The following DNAH5 variants were observed in gnomAD, a reference collection of about 807,000 sequenced individuals.
The protein encoded by DNAH5 is dynein axonemal heavy chain 5, also known as axonemal beta dynein heavy chain 5.
DNAH5 carries 372 observed loss-of-function variants against 518.2 expected under a neutral mutation model. The observed-to-expected ratio is 0.72, with a 90% CI of 0.66 to 0.78. The LOEUF is 0.78. Among genes scored for constraint, DNAH5 ranks in the 30% least tolerant of loss-of-function variants. The pLI, the probability that DNAH5 is intolerant of heterozygous loss-of-function variation, is 0.00. For synonymous variants in DNAH5, 2,039 were observed against 2,025.9 expected, an observed-to-expected ratio of 1.01 and a Z score of -0.17; for missense variants, 5,523 against 5,687.0, an observed-to-expected ratio of 0.97 and a Z score of 0.93.
intron 1 of DNAH5, among the ~76,000 whole-genome samples, chr5:13,959,827 C>T (rs974032118): frequency 7.2e-5 from 11 of 152,178 alleles, no homozygotes; most frequent in Middle Eastern, 3.4e-3. Flanking sequence ...ATTAGCCAGG[C>T]GTGGTGACAC....
At chr5:13,843,703 G>A (rs1390400269) in intron 32 of DNAH5, among the ~76,000 whole-genome samples, 2 of 152,132 alleles carry the variant, frequency 1.3e-5, no homozygotes, top group Non-Finnish European at 2.9e-5. Flanking sequence ...CCTTGCACAT[G>A]CTCTTCTTCT....
intron 59 of DNAH5, among the ~76,000 whole-genome samples, chr5:13,763,930 C>T (rs1752132162): frequency 6.6e-6 from 1 of 152,304 alleles, no homozygotes; most frequent in African/African-American, 2.4e-5. Flanking sequence ...GGCAGAGTCT[C>T]ATATTATAAT....
Position 13,934,500 on chromosome 5 carries a change from C to T in DNAH5, c.58-3256G>A, listed in dbSNP as rs1416246295. Among the ~76,000 whole-genome samples, 6 of 152,084 alleles carry T rather than the reference C, an allele frequency of 3.9e-5. No homozygotes were observed. In the East Asian group the frequency reaches 5.8e-4, roughly 15 times the overall value. ...TTGGTTGGACAGAAATAAATATAGA[C>T]TTGAGAAAAGGATGATTGGGAAAAG... On this transcript the variant is annotated intron_variant, in intron 1 of 78. Transcript: ENST00000265104.
Position 13,920,579 on chromosome 5 carries a change from G to A in DNAH5, c.699C>T (p.Thr233=). 1 of 1,614,032 alleles carries A rather than the reference G, an allele frequency of 6.2e-7. No individual in the cohort carries two copies. The highest frequency in any genetic ancestry group is 1.1e-5 in the South Asian group (1 of 91,070). ...LRKCDILELK[T]LKEPTDYLTL... ...TCAAGTAGTCCGTAGGTTCCTTTAG[G>A]GTTTTCAGTTCAAGTATGTCACACT... Residue 233 remains threonine (T), a synonymous_variant, in exon 6 of 79, where the codon ACC becomes ACT. Transcript: ENST00000265104.
At chr5:13,723,420 G>T (rs1390974575) in intron 70 of DNAH5, among the ~76,000 whole-genome samples, 1 of 152,178 alleles carries the variant, frequency 6.6e-6, no homozygotes, top group Non-Finnish European at 1.5e-5. Flanking sequence ...AACTCATCAA[G>T]ATTCAAGTAC....
chr5:13,930,628 C>G (rs1778324600), intron 2 of DNAH5, among the ~76,000 whole-genome samples: 2 of 152,194 alleles, frequency 1.3e-5, no homozygotes, highest in South Asian at 4.2e-4. Flanking sequence ...AAATCACACC[C>G]CCAGTTTTAA....
Position 13,830,723 on chromosome 5 carries a change from C to G in DNAH5, c.5935G>C (p.Ala1979Pro). ...GTTTTGCCTGTGCCTGCAGGTCCAG[C>G]AGGGGCTCCCCCCATGCTCATTCCC... ...ALGMSMGGAP[A>P]GPAGTGKTET... Residue 1979 changes from alanine (A) to proline (P), a missense_variant, in exon 36 of 79, where the codon GCT (alanine) becomes CCT (proline). Physicochemically the swap from Ala to Pro is conservative, Grantham distance 27. Transcript: ENST00000265104. 1 of 1,614,200 alleles carries G rather than the reference C, an allele frequency of 6.2e-7. No homozygotes were observed. Among genetic ancestry groups the G allele is most frequent in the Non-Finnish European group, 8.5e-7 (1 of 1,180,034 alleles).
chr5:13,829,357 A>G (rs533129883), intron 38 of DNAH5, among the ~76,000 whole-genome samples, 153 bp downstream of exon 38: 1 of 152,310 alleles, frequency 6.6e-6, no homozygotes, highest in East Asian at 1.9e-4. Flanking sequence ...AACTATGCAT[A>G]TAAAATTATT....
At chr5:13,928,941 T>C (rs1778149386) in intron 2 of DNAH5, among the ~76,000 whole-genome samples, 2 of 152,152 alleles carry the variant, frequency 1.3e-5, no homozygotes, top group African/African-American at 4.8e-5. Flanking sequence ...TGAAGGCTCC[T>C]TAAAAAACTA....
At chr5:13,961,225 T>C (rs974074047) in intron 1 of DNAH5, among the ~76,000 whole-genome samples, 6 of 152,242 alleles carry the variant, frequency 3.9e-5, no homozygotes, top group African/African-American at 1.4e-4. Flanking sequence ...AGAGTATTAC[T>C]ATACCCATTT....
chr5:13,888,039 A>G (rs1335970191), intron 17 of DNAH5, among the ~76,000 whole-genome samples: 1 of 152,192 alleles, frequency 6.6e-6, no homozygotes. Flanking sequence ...AATGACCTTG[A>G]TTTCTACAGC....
Position 13,923,182 on chromosome 5 carries a change from T to C in DNAH5, c.438+98A>G, listed in dbSNP as rs1361480387. 23 of 1,478,452 alleles carry C rather than the reference T, an allele frequency of 1.6e-5. No individual in the cohort carries two copies. The Admixed American group carries it at 1.7e-4, about 11-fold the overall frequency. The allele number at this position is 1,478,452 out of a possible 1,614,324, so 91.6% of individuals were successfully genotyped here. ...CTTCTCTGAAAGTAGTTTTAGATAC[T>C]GTAGTGAATACAATGATTGTCTCCA... is the stretch of plus-strand genomic sequence containing the variant. On this transcript the variant is annotated intron_variant, in intron 4 of 78. Coordinates refer to ENST00000265104, the MANE Select transcript of DNAH5 (RefSeq NM_001369.3).
intron 68 of DNAH5, among the ~76,000 whole-genome samples, chr5:13,730,722 A>C (rs1470035688): frequency 7.7e-6 from 1 of 129,260 alleles, no homozygotes; most frequent in Non-Finnish European, 1.6e-5. Flanking sequence ...TTTTTTTTTG[A>C]GATGTAGTTT....
chr5:13,705,707 AAT>A (rs1483771409), intron 76 of DNAH5, among the ~76,000 whole-genome samples: 1 of 152,216 alleles, frequency 6.6e-6, no homozygotes, highest in African/African-American at 2.4e-5. Context: ...ATCAAGTGAA[AAT>A]GAAGGCATAA....
chr5:13,800,359 C>CA (rs1169309814), intron 47 of DNAH5, among the ~76,000 whole-genome samples: 3 of 152,134 alleles, frequency 2.0e-5, no homozygotes, highest in Non-Finnish European at 4.4e-5. Flanking sequence ...CATAACATCA[C>CA]AAAAATAAGC....
At chr5:13,883,684 T>C (rs755212965) in intron 19 of DNAH5, among the ~76,000 whole-genome samples, 5 of 152,256 alleles carry the variant, frequency 3.3e-5, no homozygotes, top group Non-Finnish European at 7.3e-5. Flanking sequence ...CTGTGTATCA[T>C]GCATAACTTT....
At chr5:13,762,994 G>T in intron 59 of DNAH5, 93 bp from the exon 60 acceptor site, 1 of 1,055,720 alleles carries the variant, frequency 9.5e-7, no homozygotes, top group South Asian at 1.3e-5. Flanking sequence ...ACTACTGAAC[G>T]ACCACAAATG....
chr5:13,958,114 T>C (rs1780891057), intron 1 of DNAH5, among the ~76,000 whole-genome samples: 1 of 151,974 alleles, frequency 6.6e-6, no homozygotes, highest in Non-Finnish European at 1.5e-5. Flanking sequence ...CAATTTTTTT[T>C]TTACTTTTAG....
At chr5:13,757,488 C>T (rs1157793618) in intron 61 of DNAH5, among the ~76,000 whole-genome samples, 1 of 152,100 alleles carries the variant, frequency 6.6e-6, no homozygotes, top group Admixed American at 6.5e-5. Context: ...TGATTGTTGG[C>T]CGCATGTATG....
Sources: gnomAD v4.1 joint callset for allele counts (sites outside exome capture counted in the v4.1 genomes callset) on GRCh38, gnomAD v4.1.1 for gene constraint, MANE v1.5 for transcripts, NCBI Gene and HGNC (gene_info 2026-07-23, HGNC 2026-07-21) for gene names.